The following NAALADL2 variants were observed in gnomAD, a reference collection of about 807,000 sequenced individuals.
NAALADL2 encodes the protein N-acetylated alpha-linked acidic dipeptidase like 2.
NAALADL2 carries 76 observed loss-of-function variants against 87.2 expected under a neutral mutation model. The ratio of observed to expected loss-of-function variants is 0.87; its 90% confidence interval spans 0.72 to 1.05. NAALADL2 has a LOEUF of 1.05. Among genes scored for constraint, NAALADL2 ranks in the 50% least tolerant of loss-of-function variants. The pLI is 0.00. For missense variants in NAALADL2, 1,089 were observed against 945.8 expected (o/e 1.15, Z -1.99); for synonymous variants, 354 against 331.0 (o/e 1.07, Z -0.75).
intron 11 of NAALADL2, among the ~76,000 whole-genome samples, chr3:175,666,562 C>A (rs543025927): frequency 1.3e-5 from 2 of 152,218 alleles, no homozygotes; most frequent in East Asian, 3.9e-4. Context: ...TGAAAAGCTT[C>A]TGGCTGGAAA....
intron 13 of NAALADL2, among the ~76,000 whole-genome samples, chr3:175,762,642 CA>C (rs1748175653): frequency 1.3e-5 from 2 of 152,182 alleles, no homozygotes; most frequent in African/African-American, 4.8e-5. Flanking sequence ...CCCAGAATCA[CA>C]GCAGTGAAGT....
chr3:175,023,138 CA>C (rs1751774123), intron 1 of NAALADL2, among the ~76,000 whole-genome samples: 1 of 151,974 alleles, frequency 6.6e-6, no homozygotes, highest in African/African-American at 2.4e-5. Context: ...AAATAAATAA[CA>C]AAAGACCACT....
intron 1 of NAALADL2, among the ~76,000 whole-genome samples, chr3:175,008,688 A>G (rs191385350): frequency 6.6e-6 from 1 of 151,170 alleles, no homozygotes; most frequent in Admixed American, 6.6e-5. Flanking sequence ...CTTGACCTTC[A>G]TGTTCTAGGC....
intron 13 of NAALADL2, among the ~76,000 whole-genome samples, chr3:175,772,385 G>C (rs966484149): frequency 5.9e-5 from 9 of 151,934 alleles, no homozygotes; most frequent in African/African-American, 1.9e-4. Flanking sequence ...ACAATAAGAA[G>C]CAGTAAAAGA....
intron 2 of NAALADL2, among the ~76,000 whole-genome samples, chr3:175,129,476 C>T (rs1222919432): frequency 6.6e-6 from 1 of 152,160 alleles, no homozygotes; most frequent in African/African-American, 2.4e-5. Context: ...CCCCATTCCC[C>T]ACCCCTGTCC....
At chr3:174,966,010 T>A (rs1267365238) in intron 1 of NAALADL2, among the ~76,000 whole-genome samples, 1 of 152,126 alleles carries the variant, frequency 6.6e-6, no homozygotes, top group African/African-American at 2.4e-5. Context: ...TGAGTGCCCA[T>A]TTGAGATTCA....
chr3:175,407,727 A>G (rs62288022), intron 5 of NAALADL2, among the ~76,000 whole-genome samples: 16,672 of 152,218 alleles, frequency 0.11, 1,009 homozygotes, highest in Middle Eastern at 0.21. Flanking sequence ...GCTATAGATT[A>G]TATTTCTAAA....
At chr3:175,727,322 C>A (rs536089566) in intron 11 of NAALADL2, among the ~76,000 whole-genome samples, 1 of 152,142 alleles carries the variant, frequency 6.6e-6, no homozygotes, top group African/African-American at 2.4e-5. Flanking sequence ...GAGCTATGGC[C>A]ATTCCACTAT....
At chr3:174,546,579 A>G (rs1578138580) in intron 1 of NAALADL2, among the ~76,000 whole-genome samples, 1 of 152,302 alleles carries the variant, frequency 6.6e-6, no homozygotes, top group Admixed American at 6.5e-5. Context: ...CTTACGTTGT[A>G]CCATGTGCTC....
intron 11 of NAALADL2, among the ~76,000 whole-genome samples, chr3:175,708,257 C>G (rs1561011671): frequency 6.6e-6 from 1 of 152,018 alleles, no homozygotes; most frequent in Admixed American, 6.6e-5. Flanking sequence ...AAGTTGTGAG[C>G]AATGAGGGCA....
intron 12 of NAALADL2, among the ~76,000 whole-genome samples, chr3:175,744,093 C>A (rs902228638): frequency 6.6e-4 from 100 of 152,194 alleles, no homozygotes; most frequent in African/African-American, 2.4e-3. Flanking sequence ...TAGGGGAGAA[C>A]CAGGTTTCAA....
chr3:175,176,433 A>G (rs931764488), intron 2 of NAALADL2, among the ~76,000 whole-genome samples: 1 of 152,164 alleles, frequency 6.6e-6, no homozygotes, highest in South Asian at 2.1e-4. Context: ...AGACATTGTC[A>G]GAGAAGATAT....
intron 10 of NAALADL2, among the ~76,000 whole-genome samples, chr3:175,597,387 C>A: frequency 6.6e-6 from 1 of 151,932 alleles, no homozygotes; most frequent in Non-Finnish European, 1.5e-5. Context: ...GTGTTAAGAT[C>A]TTTTAGTGAG....
At chr3:175,430,320 T>C (rs1162421830) in intron 5 of NAALADL2, among the ~76,000 whole-genome samples, 1 of 151,522 alleles carries the variant, frequency 6.6e-6, no homozygotes, top group African/African-American at 2.4e-5. Context: ...TATACATATA[T>C]ACATGATTGT....
chr3:174,753,937 G>A (rs549659170), intron 3 of NAALADL2, among the ~76,000 whole-genome samples: 21 of 152,214 alleles, frequency 1.4e-4, no homozygotes, highest in African/African-American at 5.1e-4. Flanking sequence ...GAGATGAGAG[G>A]CCAAAATAAG....
At chr3:175,769,402 T>C (rs533041623) in intron 13 of NAALADL2, among the ~76,000 whole-genome samples, 1 of 152,314 alleles carries the variant, frequency 6.6e-6, no homozygotes, top group South Asian at 2.1e-4. Context: ...GGTAGCTAAA[T>C]AGATTTGGGG....
At chr3:175,752,226 T>C (rs1746702281) in intron 12 of NAALADL2, among the ~76,000 whole-genome samples, 1 of 151,876 alleles carries the variant, frequency 6.6e-6, no homozygotes, top group Non-Finnish European at 1.5e-5. Context: ...TCAGAAAGAG[T>C]AGAGAGACAG....
At position 175,755,340 on chromosome 3, in the gene NAALADL2, G is replaced by A. The variant is rs774125225; in HGVS notation, c.2111G>A (p.Arg704His). 2.5e-5 allele frequency: 40 copies of A among 1,612,628 alleles called. No individual in the cohort carries two copies. Among genetic ancestry groups the A allele is most frequent in the South Asian group, 1.2e-4 (11 of 90,810 alleles). Reference protein sequence around the residue: ...ANDPKERAPIRIRMLNDILQD... With the variant: ...ANDPKERAPIHIRMLNDILQD... The stretch of plus-strand genomic sequence containing the variant: ...GATCCCAAGGAGAGAGCACCCATCC[G>A]CATCCGGATGCTGAATGACATTCTC... Residue 704 changes from arginine (R) to histidine (H), a missense_variant, in exon 13 of 14, where the codon CGC (arginine) becomes CAC (histidine). Arg to His is a conservative substitution (Grantham distance 29). Coordinates refer to ENST00000454872, the MANE Select transcript of NAALADL2 (RefSeq NM_207015.3).
At chr3:174,496,756 T>C (rs1036452052) in intron 1 of NAALADL2, among the ~76,000 whole-genome samples, 1 of 152,070 alleles carries the variant, frequency 6.6e-6, no homozygotes. Flanking sequence ...GAACTCAAGT[T>C]GTGTTAGAAC....
Sources: allele counts gnomAD v4.1 joint callset (sites outside exome capture counted in the v4.1 genomes callset), GRCh38; gene constraint gnomAD v4.1.1; transcripts MANE v1.5; gene names NCBI Gene and HGNC (gene_info 2026-07-23, HGNC 2026-07-21).